The following VEZF1 variants were observed in gnomAD, a reference collection of about 807,000 sequenced individuals.
The protein encoded by VEZF1 is putative transcription factor DB1.
Under a neutral mutation model 44.1 loss-of-function variants are expected in VEZF1, and 5 were observed. The observed-to-expected ratio is 0.11, with a 90% CI of 0.06 to 0.24. The LOEUF (loss-of-function observed/expected upper bound fraction) is 0.24. VEZF1 is among the 10% of genes least tolerant of loss of function. The pLI, the probability that VEZF1 is intolerant of heterozygous loss-of-function variation, is 1.00. For synonymous variants in VEZF1, 236 were observed against 233.1 expected, an observed-to-expected ratio of 1.01 and a Z score of -0.11; for missense variants, 358 against 641.8, an observed-to-expected ratio of 0.56 and a Z score of 4.78.
intron 5 of VEZF1, among the ~76,000 whole-genome samples, chr17:57,976,012 T>C (rs1335001287): frequency 6.6e-6 from 1 of 152,164 alleles, no homozygotes; most frequent in Non-Finnish European, 1.5e-5. Context: ...TTGCCCAGGC[T>C]GGTCTCCTCC....
At chr17:57,978,507 C>G (rs1285880192) in intron 5 of VEZF1, among the ~76,000 whole-genome samples, 1 of 152,156 alleles carries the variant, frequency 6.6e-6, no homozygotes, top group Non-Finnish European at 1.5e-5. Flanking sequence ...AACTGATACT[C>G]CAACTGATTC....
intron 1 of VEZF1, 25 bp downstream of exon 1, chr17:57,988,054 G>C (rs569714488): frequency 1.3e-5 from 4 of 303,508 alleles, no homozygotes; most frequent in Middle Eastern, 1.4e-3. Context: ...TCCCCCCCGT[G>C]CCCCCCCGGG....
At position 57,974,639 on chromosome 17, in the gene VEZF1, G is replaced by A. The variant is rs779966891; in HGVS notation, c.1400C>T (p.Pro467Leu). 2 of 1,614,110 alleles carry A rather than the reference G, an allele frequency of 1.2e-6. No individual in the cohort carries two copies. Among genetic ancestry groups the A allele is most frequent in the Non-Finnish European group, 1.7e-6 (2 of 1,180,008 alleles). Residue 467 changes from proline (P) to leucine (L), a missense_variant, in exon 6 of 6, where the codon CCC becomes CTC. Pro to Leu is a moderately conservative substitution (Grantham distance 98, BLOSUM62 -3). Transcript: ENST00000581208. ...PLTLTTPVNLPTPVTAPVNIA... is the reference protein window; with the variant it reads ...PLTLTTPVNLLTPVTAPVNIA... ...ATTCACTGGGGCAGTGACGGGGGTG[G>A]GGAGGTTGACTGGGGTAGTGAGTGT...
chr17:57,980,894 C>T (rs1223122626), intron 3 of VEZF1, 108 bp from the exon 4 acceptor site: 1 of 1,092,268 alleles, frequency 9.2e-7, no homozygotes, highest in African/African-American at 1.6e-5. Context: ...AAGCTGACAA[C>T]TAGTTGAATT....
At chr17:57,986,944 C>A (rs1040073092) in intron 1 of VEZF1, among the ~76,000 whole-genome samples, 1 of 152,200 alleles carries the variant, frequency 6.6e-6, no homozygotes, top group Non-Finnish European at 1.5e-5. Flanking sequence ...CGAAGTTTCC[C>A]CGTGAGCTCA....
At chr17:57,982,195 C>T (rs1368594943) in intron 2 of VEZF1, among the ~76,000 whole-genome samples, 1 of 152,110 alleles carries the variant, frequency 6.6e-6, no homozygotes, top group Admixed American at 6.5e-5. Flanking sequence ...ACAAAATACC[C>T]GAAGTTTTAG....
chr17:57,972,736 A>G lies in VEZF1; in HGVS notation c.*1737T>C, dbSNP rs1298396799. ...GCTTTTATATATACAAAAGTTGTAC[A>G]ATTTAATGTCCTAAAGTACAAAAGA... On this transcript the variant is annotated 3_prime_UTR_variant, in exon 6 of 6. Coordinates refer to ENST00000581208, the MANE Select transcript of VEZF1 (RefSeq NM_007146.3). The G allele has an allele frequency of 2.6e-5, 4 of 152,544 alleles. No homozygotes were observed. The highest frequency in any genetic ancestry group is 5.9e-5 in the Non-Finnish European group (4 of 68,040). The allele number at this position is 152,544 out of a possible 1,614,324, so 9.4% of individuals were successfully genotyped here.
At chr17:57,982,477 G>A (rs2075258353) in intron 2 of VEZF1, among the ~76,000 whole-genome samples, 1 of 151,998 alleles carries the variant, frequency 6.6e-6, no homozygotes, top group African/African-American at 2.4e-5. Context: ...CGAGGCACTT[G>A]TTAAGTGAAA....
At position 57,980,641 on chromosome 17, in the gene VEZF1, C is replaced by A. The variant is rs2075240649; in HGVS notation, c.938G>T (p.Ser313Ile). The change falls in exon 4 of 6, where the codon AGT becomes ATT. Residue 313 changes from serine (S) to isoleucine (I), a missense_variant. Physicochemically the swap from Ser to Ile is moderately radical, Grantham distance 142. Around this residue, in one of 4 missense-constraint regions of VEZF1, gnomAD observed 171 missense variants for 272.4 expected, o/e 0.63. Transcript: ENST00000581208. ...SHLKTHGQSQ[S>I]INCNTCKQGI... ...TTGTTTACATGTATTACAGTTGATA[C>A]TTTGGCTCTGCCCATGAGTCTTTAA... is the stretch of plus-strand genomic sequence containing the variant. 2 of 1,613,388 alleles carry A rather than the reference C, an allele frequency of 1.2e-6. No homozygotes were observed. The highest frequency in any genetic ancestry group is 1.3e-5 in the African/African-American group (1 of 74,924).
At chr17:57,979,838 T>G (rs2075230355) in intron 4 of VEZF1, among the ~76,000 whole-genome samples, 1 of 151,522 alleles carries the variant, frequency 6.6e-6, no homozygotes, top group Non-Finnish European at 1.5e-5. Flanking sequence ...GGCATGGCAG[T>G]GTGCACCTGT....
rs112175123 is a variant in VEZF1, at chr17:57,978,533, C to T, written c.1138+619G>A. On this transcript the variant is annotated intron_variant, in intron 5 of 5. Coordinates refer to ENST00000581208, the MANE Select transcript of VEZF1 (RefSeq NM_007146.3). ...CAACTGATTCGTTAGAAAATATACA[C>T]GAGAGAAAAGCAAACCATTTAAAAT... Among the ~76,000 whole-genome samples, 10 of 152,176 alleles carry T rather than the reference C, an allele frequency of 6.6e-5. No individual in the cohort carries two copies. In the South Asian group the frequency reaches 8.3e-4, roughly 13 times the overall value.
intron 5 of VEZF1, 128 bp downstream of exon 5, chr17:57,979,024 A>T: frequency 8.1e-7 from 1 of 1,235,096 alleles, no homozygotes; most frequent in Non-Finnish European, 1.1e-6. Context: ...ATTTCCCAGC[A>T]TGCACTATTT....
Position 57,982,905 on chromosome 17 carries a change from A to C in VEZF1, c.522T>G (p.His174Gln), listed in dbSNP as rs777183716. The C allele has an allele frequency of 2.5e-6, 4 of 1,614,198 alleles. No homozygotes were observed. Among genetic ancestry groups the C allele is most frequent in the Non-Finnish European group, 3.4e-6 (4 of 1,180,050 alleles). The change falls in exon 2 of 6, where the codon CAT (histidine) becomes CAG (glutamine). Residue 174 changes from histidine (H) to glutamine (Q), a missense_variant. Physicochemically the swap from His to Gln is conservative, Grantham distance 24. Transcript: ENST00000581208. ...AGGCCTTCCCACACATCTCACAAGC[A>C]TGGTTCTTCTTGACAGGCTTACTGG... ...KKPSKPVKKN[H>Q]ACEMCGKAFR...
intron 1 of VEZF1, chr17:57,985,468 G>A: frequency 8.2e-7 from 1 of 1,216,984 alleles, no homozygotes; most frequent in Non-Finnish European, 1.0e-6. Flanking sequence ...CTTCTTCTCT[G>A]GGGGAGAGAC....
intron 1 of VEZF1, among the ~76,000 whole-genome samples, chr17:57,987,806 G>A (rs1336257424): frequency 1.3e-5 from 2 of 152,040 alleles, no homozygotes; most frequent in South Asian, 2.1e-4. Context: ...GAGAGGGAAG[G>A]GTGTGTGTGA....
chr17:57,979,433 G>T, intron 4 of VEZF1, 120 bp from the exon 5 acceptor site: 1 of 1,443,976 alleles, frequency 6.9e-7, no homozygotes, highest in Non-Finnish European at 9.2e-7. Flanking sequence ...CTCTTAGTAA[G>T]TGCATCTTTT....
chr17:57,975,365 C>T (rs1465212293), intron 5 of VEZF1, among the ~76,000 whole-genome samples: 1 of 152,186 alleles, frequency 6.6e-6, no homozygotes, highest in Non-Finnish European at 1.5e-5. Context: ...AACAGATAAT[C>T]AGAAAAATCT....
rs1180564599 is a variant in VEZF1 at position 57,979,013 on chromosome 17, T to C, written c.1138+139A>G. On this transcript the variant is annotated intron_variant, in intron 5 of 5. Coordinates refer to ENST00000581208, the MANE Select transcript of VEZF1 (RefSeq NM_007146.3). ...TTGCCAATAACTATACTTTACCAGA[T>C]ATTTCCCAGCATGCACTATTTCCAT... is the stretch of plus-strand genomic sequence containing the variant. The C allele has an allele frequency of 5.1e-6, 6 of 1,180,892 alleles. No homozygotes were observed. The East Asian group carries it at 1.4e-4, about 28-fold the overall frequency. The allele number at this position is 1,180,892 out of a possible 1,614,324, so 73.2% of individuals were successfully genotyped here.
In VEZF1 at chr17:57,972,195, C is replaced by T. The variant is rs2075143505; in HGVS notation, c.*2278G>A. The T allele has an allele frequency of 6.6e-6, 1 of 151,202 alleles. No homozygotes were observed. Among genetic ancestry groups the T allele is most frequent in the African/African-American group, 2.4e-5 (1 of 40,982 alleles). The allele number at this position is 151,202 out of a possible 1,614,324, so 9.4% of individuals were successfully genotyped here. A position where few individuals can be genotyped will look rare whatever the true frequency, so the allele number is the denominator to read the frequency against. ...AGTATATATCTTTTTTTTTTTAGAA[C>T]TAATACTTTCAGGGTTCTGACAACC... is the stretch of plus-strand genomic sequence containing the variant. On this transcript the variant is annotated 3_prime_UTR_variant, in exon 6 of 6. Coordinates refer to ENST00000581208, the MANE Select transcript of VEZF1 (RefSeq NM_007146.3).
Sources: gnomAD v4.1 joint callset for allele counts (sites outside exome capture counted in the v4.1 genomes callset) on GRCh38, gnomAD v4.1.1 for gene constraint, gnomAD v4.1.1 regional missense constraint, MANE v1.5 for transcripts, NCBI Gene and HGNC (gene_info 2026-07-23, HGNC 2026-07-21) for gene names.